ARL15: variants seen among roughly 807,000 people sequenced by gnomAD.
The protein encoded by ARL15 is ADP-ribosylation factor-like protein 15.
A neutral mutation model predicts 25.2 loss-of-function variants in ARL15; 19 were observed. That is an observed-to-expected ratio of 0.75 (90% confidence interval 0.53 to 1.10). The LOEUF is 1.10. Ranked by LOEUF, ARL15 falls within the 50% of genes least tolerant of loss-of-function variation. ARL15 has a pLI of 0.00. For synonymous variants in ARL15, 94 were observed against 86.8 expected (o/e 1.08, Z -0.46); for missense variants, 220 against 246.0 (o/e 0.89, Z 0.71).
At chr5:53,901,416 A>G (rs188759452) in intron 4 of ARL15, among the ~76,000 whole-genome samples, 1 of 152,190 alleles carries the variant, frequency 6.6e-6, no homozygotes, top group Non-Finnish European at 1.5e-5. Flanking sequence ...CTGTAAGCTA[A>G]CAAAGTATGT....
At chr5:53,910,633 T>TTTTATATATA in intron 4 of ARL15, among the ~76,000 whole-genome samples, 1 of 55,004 alleles carries the variant, frequency 1.8e-5, no homozygotes, top group East Asian at 6.0e-4. Flanking sequence ...TAAAAAAAAA[T>TTTTATATATA]TATATATATA....
At chr5:54,017,379 T>C (rs1447491472) in intron 4 of ARL15, among the ~76,000 whole-genome samples, 3 of 151,968 alleles carry the variant, frequency 2.0e-5, no homozygotes, top group Non-Finnish European at 4.4e-5. Flanking sequence ...GCTCTCCTGG[T>C]TCTAAGGCAT....
chr5:54,012,515 A>G (rs1448887099), intron 4 of ARL15, among the ~76,000 whole-genome samples: 2 of 151,650 alleles, frequency 1.3e-5, no homozygotes, highest in African/African-American at 4.8e-5. Context: ...ACAAAAAATA[A>G]TATTTCTTTT....
intron 4 of ARL15, among the ~76,000 whole-genome samples, chr5:53,952,804 C>T (rs913213253): frequency 6.6e-6 from 1 of 152,062 alleles, no homozygotes; most frequent in Non-Finnish European, 1.5e-5. Flanking sequence ...TTCACAGTGT[C>T]AGGAGAAAGG....
chr5:53,984,017 T>C (rs1433549127), intron 4 of ARL15, among the ~76,000 whole-genome samples: 7 of 152,350 alleles, frequency 4.6e-5, no homozygotes, highest in South Asian at 2.1e-4. Flanking sequence ...ACCCGGGCTA[T>C]GTGCACAAAC....
chr5:54,113,519 G>T, intron 3 of ARL15, 109 bp from the exon 4 acceptor site: 3 of 1,009,234 alleles, frequency 3.0e-6, no homozygotes, highest in Non-Finnish European at 2.9e-6. Context: ...AAAATTAAGT[G>T]CTAAACTCTG....
At chr5:54,248,866 A>G (rs1757163059) in intron 1 of ARL15, among the ~76,000 whole-genome samples, 1 of 152,170 alleles carries the variant, frequency 6.6e-6, no homozygotes, top group Non-Finnish European at 1.5e-5. Context: ...AAAAAGAGAA[A>G]AAGGCCAAGC....
intron 1 of ARL15, among the ~76,000 whole-genome samples, chr5:54,210,472 G>A (rs911394322): frequency 2.0e-5 from 3 of 152,148 alleles, no homozygotes; most frequent in African/African-American, 7.2e-5. Context: ...TAAATGTATT[G>A]TGAAATATAT....
At chr5:54,258,827 T>TC (rs1757429889) in intron 1 of ARL15, among the ~76,000 whole-genome samples, 1 of 152,108 alleles carries the variant, frequency 6.6e-6, no homozygotes, top group African/African-American at 2.4e-5. Context: ...CCTGAGCCCC[T>TC]CCAGGCTAAG....
At chr5:54,259,578 C>T (rs1757447638) in intron 1 of ARL15, among the ~76,000 whole-genome samples, 1 of 152,146 alleles carries the variant, frequency 6.6e-6, no homozygotes, top group Admixed American at 6.6e-5. Context: ...AGGATTTTAA[C>T]AGATTTTCAT....
At chr5:53,952,643 C>T (rs1747016163) in intron 4 of ARL15, among the ~76,000 whole-genome samples, 1 of 152,112 alleles carries the variant, frequency 6.6e-6, no homozygotes, top group South Asian at 2.1e-4. Flanking sequence ...TAGGGAAATA[C>T]TTAATTCTAC....
intron 1 of ARL15, among the ~76,000 whole-genome samples, chr5:54,221,728 A>G (rs527658081): frequency 2.6e-5 from 4 of 152,282 alleles, no homozygotes; most frequent in Non-Finnish European, 2.9e-5. Flanking sequence ...GCCACATTTA[A>G]TAAGGATAAA....
intron 3 of ARL15, among the ~76,000 whole-genome samples, chr5:54,119,129 C>T (rs202168): frequency 0.2 from 30,915 of 152,088 alleles, 3,881 homozygotes; most frequent in East Asian, 0.68. Context: ...CTTCCAACGG[C>T]TCTTTGCACA....
chr5:54,278,149 A>C (rs1757969885), intron 1 of ARL15, among the ~76,000 whole-genome samples: 1 of 152,166 alleles, frequency 6.6e-6, no homozygotes, highest in Non-Finnish European at 1.5e-5. Flanking sequence ...TGGCTCCATG[A>C]TGGTGTTATT....
Position 54,079,665 on chromosome 5 carries a change from A to G in ARL15, c.462+33537T>C, listed in dbSNP as rs1751725084. Among the ~76,000 whole-genome samples, 3 of 152,238 alleles carry G rather than the reference A, an allele frequency of 2.0e-5. No individual in the cohort carries two copies. The South Asian group carries it at 6.2e-4, about 32-fold the overall frequency. On this transcript the variant is annotated intron_variant, in intron 4 of 4. Coordinates refer to ENST00000504924, the MANE Select transcript of ARL15 (RefSeq NM_019087.3). ...AGAACACCAAAAATTCAAAATAAAA[A>G]CAAATTTAAAGATGCATATTAAGGC... is the stretch of plus-strand genomic sequence containing the variant.
chr5:54,021,511 G>C (rs1749598943), intron 4 of ARL15, among the ~76,000 whole-genome samples: 1 of 152,060 alleles, frequency 6.6e-6, no homozygotes, highest in Non-Finnish European at 1.5e-5. Flanking sequence ...CTCAATAATA[G>C]AAGAGCGAAA....
chr5:54,224,936 G>A (rs906463723), intron 1 of ARL15, among the ~76,000 whole-genome samples: 4 of 152,190 alleles, frequency 2.6e-5, no homozygotes, highest in African/African-American at 9.6e-5. Context: ...TTCAACCCAA[G>A]TCCTGTGTGA....
chr5:53,937,372 T>G (rs2112072564), intron 4 of ARL15, among the ~76,000 whole-genome samples: 1 of 152,188 alleles, frequency 6.6e-6, no homozygotes, highest in South Asian at 2.1e-4. Context: ...TTTACACTAG[T>G]TTTTCTTTGT....
chr5:54,172,931 G>A (rs552071774), intron 1 of ARL15, among the ~76,000 whole-genome samples: 1 of 152,178 alleles, frequency 6.6e-6, no homozygotes, highest in Non-Finnish European at 1.5e-5. Context: ...AAGACAAGGG[G>A]ATCTGGGCCA....
Sources: gnomAD v4.1 joint callset for allele counts (sites outside exome capture counted in the v4.1 genomes callset) on GRCh38, gnomAD v4.1.1 for gene constraint, MANE v1.5 for transcripts, NCBI Gene and HGNC (gene_info 2026-07-23, HGNC 2026-07-21) for gene names.